The following NECAB2 variants were observed in gnomAD, a reference collection of about 807,000 sequenced individuals.
NECAB2 encodes N-terminal EF-hand calcium-binding protein 2.
Under a neutral mutation model 51.9 loss-of-function variants are expected in NECAB2, and 68 were observed. That is an observed-to-expected ratio of 1.31 (90% CI 1.08 to 1.60). The LOEUF is 1.60. NECAB2 is among the 40% of genes most tolerant of loss of function. The pLI is 0.00. For synonymous variants in NECAB2, 329 were observed against 203.5 expected (o/e 1.62, Z -5.25); for missense variants, 854 against 490.3 (o/e 1.74, Z -7.00).
chr16:83,965,514 C>T (rs757177275), upstream of NECAB2: 4 of 1,612,212 alleles, frequency 2.5e-6, no homozygotes, highest in South Asian at 2.2e-5. Flanking sequence ...GTGATCCATG[C>T]CTTCCGCCGG....
At position 83,992,995 on chromosome 16, in the gene NECAB2, G is replaced by A. The variant is rs573122552; in HGVS notation, c.597-1307G>A. Among the ~76,000 whole-genome samples the A allele has an allele frequency of 9.2e-5, 14 of 152,332 alleles. No individual in the cohort carries two copies. The South Asian group carries it at 2.3e-3, about 25-fold the overall frequency. On this transcript the variant is annotated intron_variant, in intron 6 of 12. Transcript: ENST00000305202. ...CCACACTGGGTCAGCTCCATCACGC[G>A]TCAGCAGTTACACCCACCTGCCCCC...
chr16:83,998,592 A>C (rs564863876), intron 10 of NECAB2, among the ~76,000 whole-genome samples: 1 of 152,302 alleles, frequency 6.6e-6, no homozygotes, highest in Admixed American at 6.5e-5. Flanking sequence ...ATGAGTGCAT[A>C]TACAATCAAG....
In NECAB2 at chr16:84,002,165, G is replaced by A. The variant is rs574001040; in HGVS notation, c.1133-153G>A. On this transcript the variant is annotated intron_variant, in intron 12 of 12. Transcript: ENST00000305202. ...AGCCAGACTGAATTTCCCTTCCCAG[G>A]TGTGTGGTTTGCACCTGGGTGACCA... is the stretch of plus-strand genomic sequence containing the variant. 5.3e-4 allele frequency among the ~76,000 whole-genome samples: 80 copies of A among 152,256 alleles called. No individual in the cohort carries two copies. In the Middle Eastern group the frequency reaches 0.014, roughly 26 times the overall value.
chr16:83,995,554 A>G (rs1258385488), intron 8 of NECAB2, among the ~76,000 whole-genome samples: 4 of 152,302 alleles, frequency 2.6e-5, no homozygotes, highest in Non-Finnish European at 2.9e-5. Context: ...ACCTATCCAC[A>G]TGCACACAGC....
intron 8 of NECAB2, among the ~76,000 whole-genome samples, chr16:83,996,376 G>A (rs866550121): frequency 2.6e-5 from 4 of 152,308 alleles, no homozygotes; most frequent in African/African-American, 7.2e-5. Flanking sequence ...CAAAATGAGC[G>A]TGCAAGGTCC....
chr16:83,973,209 C>G (rs1286784387), intron 2 of NECAB2, among the ~76,000 whole-genome samples: 7 of 152,256 alleles, frequency 4.6e-5, no homozygotes, highest in African/African-American at 1.4e-4. Context: ...TGGTCCCCAA[C>G]GCCTCTGGCC....
At chr16:83,995,257 A>G (rs957390994) in intron 8 of NECAB2, among the ~76,000 whole-genome samples, 4 of 152,178 alleles carry the variant, frequency 2.6e-5, no homozygotes, top group African/African-American at 7.2e-5. Flanking sequence ...GGTGGAAAGA[A>G]AAGTTTGTCT....
At position 84,002,383 on chromosome 16, in the gene NECAB2, C is replaced by T. The variant is rs761316268; in HGVS notation, c.*37C>T. The T allele has an allele frequency of 1.9e-6, 3 of 1,606,228 alleles. No individual in the cohort carries two copies. Among genetic ancestry groups the T allele is most frequent in the South Asian group, 2.2e-5 (2 of 90,896 alleles). Reference sequence around the variant, plus strand: ...AGGCCCGTGGAGGAGCCCACCAGCCCCTTCTTCTTGTGAAGGAAATCCCGT... The same window carrying T: ...AGGCCCGTGGAGGAGCCCACCAGCCTCTTCTTCTTGTGAAGGAAATCCCGT... On this transcript the variant is annotated 3_prime_UTR_variant, in exon 13 of 13. Coordinates refer to ENST00000305202, the MANE Select transcript of NECAB2 (RefSeq NM_019065.3).
intron 11 of NECAB2, among the ~76,000 whole-genome samples, chr16:84,001,467 G>GTGAC (rs2084833784): frequency 6.6e-6 from 1 of 152,154 alleles, no homozygotes; most frequent in Non-Finnish European, 1.5e-5. Context: ...CCGTACTTCA[G>GTGAC]TGACTCATAA....
chr16:83,978,168 G>C (rs1597201724), intron 2 of NECAB2, among the ~76,000 whole-genome samples: 1 of 152,242 alleles, frequency 6.6e-6, no homozygotes, highest in Non-Finnish European at 1.5e-5. Context: ...AGGATTATCT[G>C]TAAACAGGCA....
Position 84,002,250 on chromosome 16 carries a change from G to C in NECAB2, c.1133-68G>C, listed in dbSNP as rs1013388839. 4.6e-5 allele frequency: 72 copies of C among 1,569,892 alleles called. No individual in the cohort carries two copies. The African/African-American group carries it at 6.9e-4, about 15-fold the overall frequency. On this transcript the variant is annotated intron_variant, in intron 12 of 12. Coordinates refer to ENST00000305202, the MANE Select transcript of NECAB2 (RefSeq NM_019065.3). ...CATCCCCCGACCTGTCATTCAAGAC[G>C]ACCACCACCAGCTACGAGGCTGCCC... is the stretch of plus-strand genomic sequence containing the variant.
chr16:83,967,514 A>G (rs1360100597), upstream of NECAB2, among the ~76,000 whole-genome samples: 4 of 44,398 alleles, frequency 9.0e-5, no homozygotes, highest in Non-Finnish European at 1.7e-4. Context: ...GATGGGAGGG[A>G]GGATGGATGG....
At chr16:83,967,741 TGGATGGGA>T (rs1471960633), upstream of NECAB2, among the ~76,000 whole-genome samples, 7 of 120,384 alleles carry the variant, frequency 5.8e-5, no homozygotes, top group Admixed American at 8.1e-5. Context: ...GATGGATGGA[TGGATGGGA>T]GGGTGGATGG....
chr16:83,991,479 G>T (rs988331360), intron 6 of NECAB2, among the ~76,000 whole-genome samples: 7 of 146,816 alleles, frequency 4.8e-5, no homozygotes, highest in African/African-American at 1.3e-4. Flanking sequence ...CGATTCTCCT[G>T]CCTCAGCCTC....
intron 6 of NECAB2, chr16:83,993,614 G>C (rs906365726): frequency 6.6e-6 from 1 of 151,258 alleles, no homozygotes; most frequent in African/African-American, 2.5e-5. Flanking sequence ...CACAGTGCAA[G>C]GTGAGCTGTG....
chr16:83,967,460 G>C, upstream of NECAB2, among the ~76,000 whole-genome samples: 1 of 101,954 alleles, frequency 9.8e-6, no homozygotes, highest in Non-Finnish European at 2.1e-5. Flanking sequence ...GTGGATGGAT[G>C]GATGGATGGA....
At chr16:83,978,333 AGTT>A in intron 2 of NECAB2, 108 bp from the exon 3 acceptor site, 1 of 771,140 alleles carries the variant, frequency 1.3e-6, no homozygotes, top group Non-Finnish European at 2.2e-6. Flanking sequence ...TCTGAGCTGC[AGTT>A]GTTCTGTCAG....
rs2084835265 is a variant in NECAB2 at position 84,001,515 on chromosome 16, C to CATGGGTCCCAGGCAGAGGA, written c.1041-309_1041-291dup. ...AAAGCCTTCGCAGCTTCTGTGTTGT[C>CATGGGTCCCAGGCAGAGGA]ATGGGTCCCAGGCAGAGGATGGCCC... On this transcript the variant is annotated intron_variant, in intron 11 of 12. Coordinates refer to ENST00000305202, the MANE Select transcript of NECAB2 (RefSeq NM_019065.3). Among the ~76,000 whole-genome samples the CATGGGTCCCAGGCAGAGGA allele has an allele frequency of 2.6e-5, 4 of 152,128 alleles. No individual in the cohort carries two copies. The South Asian group carries it at 8.3e-4, about 31-fold the overall frequency.
At chr16:83,969,130 C>A (rs558534868) in intron 1 of NECAB2, among the ~76,000 whole-genome samples, 17 of 151,850 alleles carry the variant, frequency 1.1e-4, no homozygotes, top group Admixed American at 1.1e-3. Flanking sequence ...GCCGTGAGCC[C>A]CCGGACCCGG....
Sources: gnomAD v4.1 joint callset for allele counts (sites outside exome capture counted in the v4.1 genomes callset) on GRCh38, gnomAD v4.1.1 for gene constraint, MANE v1.5 for transcripts, NCBI Gene and HGNC (gene_info 2026-07-23, HGNC 2026-07-21) for gene names.